The following FBXL17 variants were observed in gnomAD, a reference collection of about 807,000 sequenced individuals.
FBXL17 encodes F-box/LRR-repeat protein 17.
A neutral mutation model predicts 66.2 loss-of-function variants in FBXL17; 22 were observed. The ratio of observed to expected loss-of-function variants is 0.33; its 90% CI spans 0.24 to 0.47. The LOEUF (loss-of-function observed/expected upper bound fraction) is 0.47, where lower values mean the gene tolerates loss of function less well. Ranked by LOEUF, FBXL17 falls within the 20% of genes least tolerant of loss-of-function variation. The pLI is 1.00. For missense variants in FBXL17, 878 were observed against 948.2 expected (o/e 0.93, Z 0.97); for synonymous variants, 474 against 400.5 (o/e 1.18, Z -2.19).
intron 6 of FBXL17, among the ~76,000 whole-genome samples, chr5:108,165,859 G>C (rs1254375021): frequency 6.6e-6 from 1 of 152,154 alleles, no homozygotes; most frequent in South Asian, 2.1e-4. Flanking sequence ...ACTTTAGTCA[G>C]TTTGTACAAG....
chr5:108,075,870 T>G (rs1471111942), intron 6 of FBXL17, among the ~76,000 whole-genome samples: 1 of 152,258 alleles, frequency 6.6e-6, no homozygotes, highest in Admixed American at 6.5e-5. Context: ...TTGTCTGTAT[T>G]TCTATGCATA....
At chr5:108,295,541 T>C (rs1465574526) in intron 4 of FBXL17, among the ~76,000 whole-genome samples, 6 of 151,994 alleles carry the variant, frequency 3.9e-5, no homozygotes, top group African/African-American at 1.4e-4. Context: ...TACTATATTA[T>C]TATACAGACT....
chr5:107,872,479 T>C (rs1748488635), intron 8 of FBXL17, among the ~76,000 whole-genome samples: 1 of 152,188 alleles, frequency 6.6e-6, no homozygotes, highest in Non-Finnish European at 1.5e-5. Flanking sequence ...ACCAAAACTG[T>C]AGATTTCAAA....
chr5:108,075,080 G>C (rs943703550), intron 6 of FBXL17, among the ~76,000 whole-genome samples: 1 of 152,158 alleles, frequency 6.6e-6, no homozygotes, highest in Admixed American at 6.5e-5. Flanking sequence ...AGATCTAGAC[G>C]GTCTGCCTTC....
chr5:108,363,061 A>C (rs985873995), intron 3 of FBXL17, among the ~76,000 whole-genome samples: 2 of 152,032 alleles, frequency 1.3e-5, no homozygotes, highest in African/African-American at 4.8e-5. Flanking sequence ...ACTCTATTAT[A>C]CATTTTAACA....
chr5:107,915,289 T>A (rs1300422162), intron 7 of FBXL17, among the ~76,000 whole-genome samples: 1 of 152,114 alleles, frequency 6.6e-6, no homozygotes, highest in Non-Finnish European at 1.5e-5. Flanking sequence ...TATACCCTAT[T>A]TTAGATCTGG....
In FBXL17 at chr5:107,860,898, C is replaced by T. The variant is rs1748102734; in HGVS notation, c.*822G>A. The T allele has an allele frequency of 6.6e-6, 1 of 152,138 alleles. No individual in the cohort carries two copies. The highest frequency in any genetic ancestry group is 1.5e-5 in the Non-Finnish European group (1 of 68,022). 9.4% of individuals were successfully genotyped at this position (152,138 alleles called of 1,614,324 possible). ...GTGGCTTCAATGCTAAGATTAGTTT[C>T]AAATATCATTAAAATATATCCTGAC... On this transcript the variant is annotated 3_prime_UTR_variant, in exon 9 of 9. Coordinates refer to ENST00000542267, the MANE Select transcript of FBXL17 (RefSeq NM_001163315.3).
At chr5:108,124,616 A>C (rs1455319663) in intron 6 of FBXL17, among the ~76,000 whole-genome samples, 2 of 152,108 alleles carry the variant, frequency 1.3e-5, no homozygotes, top group Non-Finnish European at 2.9e-5. Flanking sequence ...CACTTTAATA[A>C]GAGTGCTACC....
At chr5:108,254,955 T>C (rs1274922519) in intron 4 of FBXL17, among the ~76,000 whole-genome samples, 1 of 152,250 alleles carries the variant, frequency 6.6e-6, no homozygotes, top group African/African-American at 2.4e-5. Context: ...GTTATTGCTT[T>C]ACATACGTAT....
chr5:108,309,134 C>T (rs1245222016), intron 4 of FBXL17, among the ~76,000 whole-genome samples: 2 of 151,968 alleles, frequency 1.3e-5, no homozygotes, highest in Non-Finnish European at 2.9e-5. Context: ...TATGATACAT[C>T]AATACAATGG....
chr5:108,192,965 T>C (rs561736740), intron 5 of FBXL17, among the ~76,000 whole-genome samples: 65 of 152,354 alleles, frequency 4.3e-4, no homozygotes, highest in Non-Finnish European at 6.2e-4. Flanking sequence ...GCATGGATGT[T>C]CTATCACTTC....
Position 108,316,425 on chromosome 5 carries a change from T to G in FBXL17, c.1506+31974A>C, listed in dbSNP as rs1759366722. Among the ~76,000 whole-genome samples the G allele has an allele frequency of 2.0e-5, 3 of 151,490 alleles. No homozygotes were observed. The South Asian group carries it at 6.2e-4, about 31-fold the overall frequency. ...TTAAATATTAAACCTAAAAGACACTTAATTTATGATTAATAAAATCCTCTT... is the reference window on the plus strand; with the variant it reads ...TTAAATATTAAACCTAAAAGACACTGAATTTATGATTAATAAAATCCTCTT... On this transcript the variant is annotated intron_variant, in intron 4 of 8. Coordinates refer to ENST00000542267, the MANE Select transcript of FBXL17 (RefSeq NM_001163315.3).
chr5:107,981,754 T>G (rs1177381786), intron 7 of FBXL17, among the ~76,000 whole-genome samples: 1 of 152,198 alleles, frequency 6.6e-6, no homozygotes, highest in Non-Finnish European at 1.5e-5. Flanking sequence ...CTTGCCAGCA[T>G]GCGGAGGGGA....
chr5:108,223,022 G>T (rs772888551), intron 5 of FBXL17, among the ~76,000 whole-genome samples: 2 of 151,862 alleles, frequency 1.3e-5, no homozygotes, highest in Non-Finnish European at 2.9e-5. Flanking sequence ...CATTTACTGT[G>T]GTCTCTATTC....
chr5:108,353,504 A>G (rs1271672271), intron 3 of FBXL17, among the ~76,000 whole-genome samples: 3 of 152,236 alleles, frequency 2.0e-5, no homozygotes, highest in African/African-American at 7.2e-5. Context: ...CTGGAGAGAA[A>G]TCACCTCATG....
intron 6 of FBXL17, among the ~76,000 whole-genome samples, chr5:108,137,997 T>C (rs1175699391): frequency 6.6e-6 from 1 of 152,198 alleles, no homozygotes; most frequent in African/African-American, 2.4e-5. Context: ...GTTTTAGTTT[T>C]CTAGAATTTT....
chr5:108,014,740 C>T (rs1477027400), intron 7 of FBXL17, among the ~76,000 whole-genome samples: 1 of 152,130 alleles, frequency 6.6e-6, no homozygotes, highest in Non-Finnish European at 1.5e-5. Flanking sequence ...TACTAGTCCG[C>T]TTTCATGCTG....
intron 6 of FBXL17, among the ~76,000 whole-genome samples, chr5:108,091,071 T>C (rs531838395): frequency 1.4e-4 from 21 of 152,338 alleles, no homozygotes; most frequent in African/African-American, 5.1e-4. Context: ...AACTGAAGAC[T>C]ATCACAATGT....
chr5:108,309,936 T>G (rs61651364), intron 4 of FBXL17, among the ~76,000 whole-genome samples: 2 of 152,044 alleles, frequency 1.3e-5, no homozygotes, highest in African/African-American at 4.8e-5. Context: ...ATTCAATAGT[T>G]CAAATAAAAA....
Sources: allele counts gnomAD v4.1 joint callset (sites outside exome capture counted in the v4.1 genomes callset), GRCh38; gene constraint gnomAD v4.1.1; transcripts MANE v1.5; gene names NCBI Gene and HGNC (gene_info 2026-07-23, HGNC 2026-07-21).